Variants in GRK4 observed in about 807,000 individuals in gnomAD.
GRK4 encodes the protein G protein-coupled receptor kinase 4.
Under a neutral mutation model 77.9 loss-of-function variants are expected in GRK4, and 73 were observed. That is an observed-to-expected ratio of 0.94 (90% confidence interval 0.78 to 1.14). The LOEUF is 1.14. Among genes scored for constraint, GRK4 ranks in the 50% most tolerant of loss-of-function variants. GRK4 has a pLI of 0.00. For synonymous variants in GRK4, 257 were observed against 254.4 expected (o/e 1.01, Z -0.10); for missense variants, 729 against 700.2 (o/e 1.04, Z -0.46).
intron 1 of GRK4, among the ~76,000 whole-genome samples, chr4:2,977,748 G>A (rs533317502): frequency 9.9e-5 from 15 of 152,264 alleles, no homozygotes; most frequent in African/African-American, 3.4e-4. Flanking sequence ...ACGGAGAACC[G>A]TGTGGGAGAT....
At position 2,973,166 on chromosome 4, in the gene GRK4, C is replaced by T. The variant is rs541243710; in HGVS notation, c.52+9044C>T. ...TTCTTGGTCCTTGTCTTGCTGCCCC[C>T]GTGGGCTGCACTGACGTGGCACGTC... On this transcript the variant is annotated intron_variant, in intron 1 of 15. Transcript: ENST00000398052. 3.3e-5 allele frequency among the ~76,000 whole-genome samples: 5 copies of T among 152,356 alleles called. No individual in the cohort carries two copies. In the East Asian group the frequency reaches 9.6e-4, roughly 29 times the overall value.
At position 3,022,394 on chromosome 4, in the gene GRK4, T is replaced by C. The variant is rs1388345663; in HGVS notation, c.933-20T>C. 1 of 1,612,262 alleles carries C rather than the reference T, an allele frequency of 6.2e-7. No homozygotes were observed. The highest frequency in any genetic ancestry group is 2.2e-5 in the East Asian group (1 of 44,820). On this transcript the variant is annotated intron_variant, in intron 9 of 15. Coordinates refer to ENST00000398052, the MANE Select transcript of GRK4 (RefSeq NM_182982.3). The stretch of plus-strand genomic sequence containing the variant: ...TGCCAACTTCTGAATAATTGGGCCT[T>C]TTGTTGTTGTTTCTTGTAGAGACTT...
Position 3,038,786 on chromosome 4 carries a change from A to G in GRK4, c.1683+273A>G, listed in dbSNP as rs1741560189. 7.9e-6 allele frequency: 3 copies of G among 379,534 alleles called. No homozygotes were observed. In the Admixed American group the frequency reaches 1.2e-4, roughly 15 times the overall value. The allele number at this position is 379,534 out of a possible 1,614,324, so 23.5% of individuals were successfully genotyped here. A position where few individuals can be genotyped will look rare whatever the true frequency, so the allele number is the denominator to read the frequency against. On this transcript the variant is annotated intron_variant, in intron 15 of 15. Coordinates refer to ENST00000398052, the MANE Select transcript of GRK4 (RefSeq NM_182982.3). ...AACAGGTTCCCGTGTCGCTGACAAAATAGTTTACACTGGGCTCAGAAATCG... is the reference window on the plus strand; with the variant it reads ...AACAGGTTCCCGTGTCGCTGACAAAGTAGTTTACACTGGGCTCAGAAATCG...
rs1726502885 is a variant in GRK4, at chr4:2,992,420, C to T, written c.339+128C>T. On this transcript the variant is annotated intron_variant, in intron 4 of 15. Transcript: ENST00000398052. ...TTTGGCTGGGTGTGATGCCTGACGC[C>T]TGTAATCCCAGCACTTCGGGAGGCT... 5 of 588,374 alleles carry T rather than the reference C, an allele frequency of 8.5e-6. No individual in the cohort carries two copies. The South Asian group carries it at 9.1e-5, about 11-fold the overall frequency. 36.4% of individuals were successfully genotyped at this position (588,374 alleles called of 1,614,324 possible). A position where few individuals can be genotyped will look rare whatever the true frequency, so the allele number is the denominator to read the frequency against.
intron 1 of GRK4, among the ~76,000 whole-genome samples, chr4:2,972,934 C>T (rs1258446946): frequency 6.6e-6 from 1 of 152,162 alleles, no homozygotes; most frequent in African/African-American, 2.4e-5. Flanking sequence ...GGGGTTTCAC[C>T]ATGTTGCCCT....
rs1331123027 is a variant in GRK4 at position 2,984,526 on chromosome 4, A to T, written c.66A>T (p.Lys22Asn). The T allele has an allele frequency of 6.2e-7, 1 of 1,612,422 alleles. No individual in the cohort carries two copies. Among genetic ancestry groups the T allele is most frequent in the South Asian group, 1.1e-5 (1 of 90,916 alleles). ...TCCCAAATTCAGGAGGATATGGCAA[A>T]AAAAGTGGTCGTAGTAAAAAATGGA... The part of the protein sequence containing the change: ...LLKARQGGYG[K>N]KSGRSKKWKE... Residue 22 changes from lysine (K) to asparagine (N), a missense_variant, in exon 2 of 16, where the codon AAA (lysine) becomes AAT (asparagine). By Grantham distance (94) the Lys-to-Asn change is moderately conservative. Transcript: ENST00000398052.
chr4:3,009,138 T>C (rs767327212), intron 6 of GRK4, among the ~76,000 whole-genome samples: 44 of 152,118 alleles, frequency 2.9e-4, no homozygotes, highest in Admixed American at 3.3e-4. Flanking sequence ...TAATTAAGAT[T>C]AATTGGCCGG....
intron 5 of GRK4, among the ~76,000 whole-genome samples, chr4:3,006,294 C>T (rs190925474): frequency 2.6e-5 from 4 of 150,958 alleles, no homozygotes; most frequent in African/African-American, 7.3e-5. Context: ...GCGGGAGAAT[C>T]GCCTGAACCC....
chr4:3,011,925 C>T (rs1733028680), intron 7 of GRK4, among the ~76,000 whole-genome samples: 3 of 152,212 alleles, frequency 2.0e-5, no homozygotes, highest in Admixed American at 2.0e-4. Context: ...GGAAAGAGCA[C>T]GTACTTCAGA....
At chr4:3,016,992 T>C (rs1734735822) in intron 8 of GRK4, among the ~76,000 whole-genome samples, 1 of 152,274 alleles carries the variant, frequency 6.6e-6, no homozygotes, top group Admixed American at 6.5e-5. Context: ...TCATCCCTGC[T>C]GCGCCCTGAC....
Position 2,964,043 on chromosome 4 carries a change from AAT to A in GRK4, c.-27_-26del. The A allele has an allele frequency of 6.3e-7, 1 of 1,597,774 alleles. No homozygotes were observed. Among genetic ancestry groups the A allele is most frequent in the East Asian group, 2.3e-5 (1 of 44,258 alleles). Reference sequence around the variant, plus strand: ...CTCCTCAGTCTCCTCGGTCTCGCAGAATCCGCCGGCGGCGGCGGCGCCAGGAC... The same window carrying A: ...CTCCTCAGTCTCCTCGGTCTCGCAGACCGCCGGCGGCGGCGGCGCCAGGAC... On this transcript the variant is annotated 5_prime_UTR_variant, in exon 1 of 16. Coordinates refer to ENST00000398052, the MANE Select transcript of GRK4 (RefSeq NM_182982.3).
chr4:3,030,338 T>G (rs1289426516), intron 12 of GRK4, among the ~76,000 whole-genome samples: 1 of 152,248 alleles, frequency 6.6e-6, no homozygotes, highest in Non-Finnish European at 1.5e-5. Flanking sequence ...TGGACTGTGT[T>G]ACCACCCCTC....
intron 4 of GRK4, among the ~76,000 whole-genome samples, chr4:2,992,702 C>T (rs1433499226): frequency 1.3e-5 from 2 of 151,766 alleles, no homozygotes; most frequent in Non-Finnish European, 2.9e-5. Context: ...AAAGTAAGGC[C>T]AGGCACAGTG....
chr4:3,022,436 C>G lies in GRK4; in HGVS notation c.955C>G (p.Leu319Val), dbSNP rs1450636833. The G allele has an allele frequency of 1.2e-6, 2 of 1,613,952 alleles. No individual in the cohort carries two copies. The highest frequency in any genetic ancestry group is 1.7e-5 in the Admixed American group (1 of 59,974). ...VYRDLKPENI[L>V]LDDRGHIRIS... ...TAGAGACTTGAAGCCTGAGAATATT[C>G]TCCTTGATGATCGTGGTAAGTGGGC... Residue 319 changes from leucine to valine, a missense_variant, in exon 10 of 16, where the codon CTC becomes GTC. Coordinates refer to ENST00000398052, the MANE Select transcript of GRK4 (RefSeq NM_182982.3).
At chr4:2,976,551 T>G (rs1721219943) in intron 1 of GRK4, among the ~76,000 whole-genome samples, 1 of 152,246 alleles carries the variant, frequency 6.6e-6, no homozygotes, top group South Asian at 2.1e-4. Flanking sequence ...ATATGTTTGC[T>G]TCCAGCCAGT....
At chr4:2,998,522 A>G (rs532041648) in intron 4 of GRK4, among the ~76,000 whole-genome samples, 1 of 152,306 alleles carries the variant, frequency 6.6e-6, no homozygotes, top group South Asian at 2.1e-4. Context: ...GCTGCAAGAT[A>G]CTAAGTCACT....
At chr4:3,013,327 T>C (rs915261119) in intron 7 of GRK4, among the ~76,000 whole-genome samples, 2 of 152,104 alleles carry the variant, frequency 1.3e-5, no homozygotes, top group African/African-American at 4.8e-5. Flanking sequence ...GCTGGGATTG[T>C]AGGCATGAGC....
At chr4:3,034,880 C>A (rs7679456) in intron 12 of GRK4, among the ~76,000 whole-genome samples, 2,888 of 152,192 alleles carry the variant, frequency 0.019, 101 homozygotes, top group African/African-American at 0.064. Flanking sequence ...AAGGCGAAAC[C>A]TTCGCCCCCC....
chr4:3,020,247 C>A (rs1578298642), intron 9 of GRK4, among the ~76,000 whole-genome samples: 1 of 152,138 alleles, frequency 6.6e-6, no homozygotes, highest in Admixed American at 6.5e-5. Context: ...CTCAGGTGAT[C>A]CACGGGCCTC....
Sources: gnomAD v4.1 joint callset for allele counts (sites outside exome capture counted in the v4.1 genomes callset) on GRCh38, gnomAD v4.1.1 for gene constraint, MANE v1.5 for transcripts, NCBI Gene and HGNC (gene_info 2026-07-23, HGNC 2026-07-21) for gene names.